Variants in SLC12A2 observed in about 807,000 individuals in gnomAD.
SLC12A2 encodes the protein Na-K-2Cl cotransporter 1.
In SLC12A2, 67 loss-of-function variants were observed where a neutral mutation model predicts 136.3. The observed-to-expected ratio is 0.49, with a 90% confidence interval of 0.40 to 0.60. The LOEUF (loss-of-function observed/expected upper bound fraction) is 0.60. Ranked by LOEUF, SLC12A2 falls within the 20% of genes least tolerant of loss-of-function variation. The probability of loss-of-function intolerance (pLI) is 0.00; values close to 1 mark genes in which losing one functional copy is unlikely to be tolerated. For synonymous variants in SLC12A2, 619 were observed against 562.9 expected, an observed-to-expected ratio of 1.10 and a Z score of -1.41; for missense variants, 1,322 against 1,534.7, an observed-to-expected ratio of 0.86 and a Z score of 2.32.
chr5:128,170,535 G>A (rs919626704), intron 18 of SLC12A2: 2 of 152,092 alleles, frequency 1.3e-5, no homozygotes, highest in Non-Finnish European at 2.9e-5. Context: ...TCATATAGCT[G>A]TATCTTAATA....
rs998334592 is a variant in SLC12A2, at chr5:128,176,811, T to C, written c.2930-294T>C. The stretch of plus-strand genomic sequence containing the variant: ...ACAGTTCAACATCTTCTCAACTTAT[T>C]TCAAGTATGAAAGTGTAAACATTTT... On this transcript the variant is annotated intron_variant, in intron 20 of 26. Transcript: ENST00000262461. 2.6e-5 allele frequency among the ~76,000 whole-genome samples: 4 copies of C among 152,022 alleles called. No homozygotes were observed. The East Asian group carries it at 7.7e-4, about 29-fold the overall frequency.
rs931729676 is a variant in SLC12A2, at chr5:128,189,083, T to A, written c.*2452T>A. On this transcript the variant is annotated 3_prime_UTR_variant, in exon 27 of 27. Coordinates refer to ENST00000262461, the MANE Select transcript of SLC12A2 (RefSeq NM_001046.3). ...GGGTAATACTGTCTGTGAAATAATG[T>A]AAGAAGCTTTTCACTTAAAAAAAAT... The A allele has an allele frequency of 5.9e-5, 9 of 152,420 alleles. No homozygotes were observed. The highest frequency in any genetic ancestry group is 2.2e-4 in the African/African-American group (9 of 41,428). The allele number at this position is 152,420 out of a possible 1,614,324, so 9.4% of individuals were successfully genotyped here.
chr5:128,162,585 A>T (rs1763075701), intron 17 of SLC12A2, among the ~76,000 whole-genome samples: 1 of 152,212 alleles, frequency 6.6e-6, no homozygotes, highest in Non-Finnish European at 1.5e-5. Context: ...TTGAGATTCT[A>T]AAGAAAACAT....
intron 20 of SLC12A2, among the ~76,000 whole-genome samples, chr5:128,176,602 A>C (rs1561705111): frequency 6.6e-6 from 1 of 152,026 alleles, no homozygotes; most frequent in Non-Finnish European, 1.5e-5. Flanking sequence ...TATATAAAGC[A>C]AAATACTTAT....
At position 128,174,605 on chromosome 5, in the gene SLC12A2, T is replaced by G; in HGVS notation, c.2868T>G (p.Tyr956Ter). Reference protein sequence around the residue: ...GTKDVVVSVEYSKKSDLDTSK... With the variant: ...GTKDVVVSVE ...AGGATGTGGTAGTAAGTGTGGAATA[T>G]AGTAAAAAGTCCGATTTAGATACTT... is the stretch of plus-strand genomic sequence containing the variant. Residue 956 changes from tyrosine (Y) to a stop codon, truncating the protein, a stop_gained, in exon 20 of 27, where the codon TAT becomes TAG. Transcript: ENST00000262461. LOFTEE classifies it high-confidence loss of function. 1 of 1,609,348 alleles carries G rather than the reference T, an allele frequency of 6.2e-7. No individual in the cohort carries two copies.
chr5:128,135,280 T>C (rs565183340), intron 6 of SLC12A2, among the ~76,000 whole-genome samples: 56 of 152,196 alleles, frequency 3.7e-4, no homozygotes, highest in African/African-American at 1.3e-3. Flanking sequence ...CTCAACATTA[T>C]GTTTGGACCA....
chr5:128,114,726 TA>T, intron 4 of SLC12A2, 45 bp downstream of exon 4: 1 of 1,110,712 alleles, frequency 9.0e-7, no homozygotes, highest in Non-Finnish European at 1.4e-6. Flanking sequence ...TTACTCTTAC[TA>T]AACAGAGGTC....
intron 16 of SLC12A2, among the ~76,000 whole-genome samples, chr5:128,159,314 T>C (rs982069092): frequency 6.6e-6 from 1 of 152,126 alleles, no homozygotes; most frequent in Admixed American, 6.6e-5. Flanking sequence ...TAAGAAAACA[T>C]AGGCAGTACC....
At position 128,158,865 on chromosome 5, in the gene SLC12A2, GTT is replaced by G. The variant is rs67676665; in HGVS notation, c.2475+715_2475+716del. 2.6e-3 allele frequency among the ~76,000 whole-genome samples: 356 copies of G among 135,842 alleles called. 4 individuals are homozygous for G. Among genetic ancestry groups the G allele is most frequent in the South Asian group, 0.022 (95 of 4,316 alleles). 89.1% of individuals were successfully genotyped at this position (135,842 alleles called of 152,430 possible). A position where few individuals can be genotyped will look rare whatever the true frequency, so the allele number is the denominator to read the frequency against. On this transcript the variant is annotated intron_variant, in intron 16 of 26. Coordinates refer to ENST00000262461, the MANE Select transcript of SLC12A2 (RefSeq NM_001046.3). ...TCTCTGCAACCTCACCAGCATCTGT[GTT>G]TTTTTTTTTTTTTGACTTTTTAATG...
intron 12 of SLC12A2, among the ~76,000 whole-genome samples, chr5:128,149,125 A>G (rs1282294185): frequency 6.6e-6 from 1 of 151,784 alleles, no homozygotes; most frequent in Admixed American, 6.6e-5. Context: ...ATAATGGCAT[A>G]AGGGAAAGGA....
In SLC12A2 at chr5:128,084,336, C is replaced by T. The variant is rs750922559; in HGVS notation, c.382C>T (p.Pro128Ser). The T allele has an allele frequency of 4.4e-6, 7 of 1,574,252 alleles. No individual in the cohort carries two copies. The highest frequency in any genetic ancestry group is 1.1e-5 in the South Asian group (1 of 87,292). ...CGGGGAAGCCAGCGGCGAGAGCGAG[C>T]CGGCTAAAGGCAGCGAGGAAGCCAA... ...ADGEASGESEPAKGSEEAKGR... is the reference protein window; with the variant it reads ...ADGEASGESESAKGSEEAKGR... The change falls in exon 1 of 27, where the codon CCG (proline) becomes TCG (serine). Residue 128 changes from proline to serine, a missense_variant. Around this residue, in one of 8 missense-constraint regions of SLC12A2, gnomAD observed 358 missense variants for 299.7 expected, o/e 1.19. Coordinates refer to ENST00000262461, the MANE Select transcript of SLC12A2 (RefSeq NM_001046.3). This position sits in a 1 kb window ranked among gnomAD's most constrained non-coding sequence, Gnocchi z 5.6.
In SLC12A2 at chr5:128,187,316, A is replaced by G. The variant is rs1159238435; in HGVS notation, c.*685A>G. ...ACCTTTTTAACCCCTCTGATTGGCT[A>G]TTATTACTATATTTATTATTATTTA... On this transcript the variant is annotated 3_prime_UTR_variant, in exon 27 of 27. Transcript: ENST00000262461. 6.6e-6 allele frequency: 1 copy of G among 152,002 alleles called. No individual in the cohort carries two copies. 9.4% of individuals were successfully genotyped at this position (152,002 alleles called of 1,614,324 possible).
intron 2 of SLC12A2, 82 bp downstream of exon 2, chr5:128,113,015 A>G (rs1761211798): frequency 8.1e-7 from 1 of 1,231,104 alleles, no homozygotes; most frequent in South Asian, 2.0e-5. Flanking sequence ...TCAGTTCTCA[A>G]GAGAACTCTT....
chr5:128,140,186 A>G (rs1762318604), intron 9 of SLC12A2, among the ~76,000 whole-genome samples: 1 of 152,090 alleles, frequency 6.6e-6, no homozygotes, highest in African/African-American at 2.4e-5. Context: ...TTTAGTAGAG[A>G]TGGGGTTTTG....
intron 17 of SLC12A2, among the ~76,000 whole-genome samples, chr5:128,164,368 G>A (rs1473375859): frequency 2.0e-5 from 3 of 152,080 alleles, no homozygotes; most frequent in Non-Finnish European, 4.4e-5. Context: ...TCACTGCAGT[G>A]GACCATGACA....
intron 1 of SLC12A2, among the ~76,000 whole-genome samples, chr5:128,093,335 G>T (rs1760407835): frequency 6.6e-6 from 1 of 151,922 alleles, no homozygotes; most frequent in Non-Finnish European, 1.5e-5. Flanking sequence ...CTCCTTCCTT[G>T]TTCCTCTTTT....
At chr5:128,118,272 A>T (rs1056103075) in intron 4 of SLC12A2, among the ~76,000 whole-genome samples, 13 of 152,192 alleles carry the variant, frequency 8.5e-5, no homozygotes, top group African/African-American at 3.1e-4. Flanking sequence ...TTGTGCACAC[A>T]TGTTTATAGC....
At chr5:128,115,683 G>T (rs1165943703) in intron 4 of SLC12A2, among the ~76,000 whole-genome samples, 1 of 152,198 alleles carries the variant, frequency 6.6e-6, no homozygotes, top group Non-Finnish European at 1.5e-5. Flanking sequence ...TAAAGTCATG[G>T]TAGCAAATCA....
At chr5:128,127,839 GT>G (rs541028641) in intron 4 of SLC12A2, among the ~76,000 whole-genome samples, 122 of 150,858 alleles carry the variant, frequency 8.1e-4, no homozygotes, top group African/African-American at 9.7e-4. Flanking sequence ...TTGTTTATCA[GT>G]TTTTTTTAAT....
Sources: allele counts gnomAD v4.1 joint callset (sites outside exome capture counted in the v4.1 genomes callset), GRCh38; gene constraint gnomAD v4.1.1; regional missense constraint gnomAD v4.1.1; non-coding constraint Gnocchi (gnomAD v3.1); transcripts MANE v1.5; gene names NCBI Gene and HGNC (gene_info 2026-07-23, HGNC 2026-07-21).